DNAJC13: variants seen among roughly 807,000 people sequenced by gnomAD.
DNAJC13 encodes the protein dnaJ homolog subfamily C member 13.
Under a neutral mutation model 290.5 loss-of-function variants are expected in DNAJC13, and 75 were observed. That is an observed-to-expected ratio of 0.26 (90% CI 0.21 to 0.31). The LOEUF is 0.31. Ranked by LOEUF, DNAJC13 falls within the 10% of genes least tolerant of loss-of-function variation. The pLI is 1.00. For synonymous variants in DNAJC13, 862 were observed against 892.0 expected (o/e 0.97, Z 0.60); for missense variants, 2,260 against 2,674.5 (o/e 0.85, Z 3.42).
At chr3:132,504,327 T>A (rs1010556310) in intron 41 of DNAJC13, among the ~76,000 whole-genome samples, 29 of 131,766 alleles carry the variant, frequency 2.2e-4, no homozygotes, top group South Asian at 4.9e-4. Flanking sequence ...TTTTTTTTTT[T>A]AATTTTGTTT....
At chr3:132,532,503 C>G in intron 55 of DNAJC13, among the ~76,000 whole-genome samples, 1 of 152,028 alleles carries the variant, frequency 6.6e-6, no homozygotes, top group East Asian at 1.9e-4. Flanking sequence ...ATCCCCTGTC[C>G]CTCATATCTA....
intron 41 of DNAJC13, among the ~76,000 whole-genome samples, chr3:132,504,931 T>G (rs1935537348): frequency 6.6e-6 from 1 of 152,220 alleles, no homozygotes; most frequent in African/African-American, 2.4e-5. Flanking sequence ...CATAAAGGTA[T>G]TATGTTGTGA....
chr3:132,463,759 C>T lies in DNAJC13; in HGVS notation c.1834C>T (p.Arg612Ter), dbSNP rs751081895. ...ELALSEGALP[R>*]HLHTAMFTIS... is the part of the protein sequence containing the mutation. ...TGCCCTAAGTGAAGGTGCCTTACCT[C>T]GACACTTGCATACTGCGATGTTTAC... is the stretch of plus-strand genomic sequence containing the variant. The change falls in exon 17 of 56, where the codon CGA (arginine) becomes TGA (stop). Residue 612 changes from arginine to a stop codon, truncating the protein, a stop_gained. Coordinates refer to ENST00000260818, the MANE Select transcript of DNAJC13 (RefSeq NM_015268.4). LOFTEE classifies it high-confidence loss of function. 6 of 1,613,364 alleles carry T rather than the reference C, an allele frequency of 3.7e-6. No homozygotes were observed. The highest frequency in any genetic ancestry group is 2.5e-6 in the Non-Finnish European group (3 of 1,179,458).
rs566204022 is a variant in DNAJC13 at position 132,520,592 on chromosome 3, T to C, written c.5674-2236T>C. Among the ~76,000 whole-genome samples the C allele has an allele frequency of 6.6e-5, 10 of 152,354 alleles. No homozygotes were observed. In the South Asian group the frequency reaches 2.1e-3, roughly 32 times the overall value. On this transcript the variant is annotated intron_variant, in intron 48 of 55. Transcript: ENST00000260818. ...TAAACAAGCATTCTCAGAAATCCGA[T>C]AGGAAGAGACTTTTGATTTTGTACA... is the stretch of plus-strand genomic sequence containing the variant.
Position 132,474,954 on chromosome 3 carries a change from T to G in DNAJC13, c.2314T>G (p.Ser772Ala). Reference protein sequence around the residue: ...YYRFGQDHARSNLIWNFKTRE... With the variant: ...YYRFGQDHARANLIWNFKTRE... ...TAGGTTTGGTCAAGACCATGCCAGG[T>G]CAAACCTTATTTGGAATTTCAAAAC... The change falls in exon 22 of 56, where the codon TCA (serine) becomes GCA (alanine). Residue 772 changes from serine to alanine, a missense_variant. Transcript: ENST00000260818. 1.2e-6 allele frequency: 2 copies of G among 1,608,620 alleles called. No homozygotes were observed. Among genetic ancestry groups the G allele is most frequent in the Non-Finnish European group, 1.7e-6 (2 of 1,177,320 alleles).
rs986530545 is a variant in DNAJC13 at position 132,446,459 on chromosome 3, T to C, written c.69-16T>C. ...TTTGTTTAAAACTAAATTTAAGCAC[T>C]TGTTTTCCTTTGTAGGTATAAGCGT... On this transcript the variant is annotated splice_polypyrimidine_tract_variant and intron_variant, in intron 2 of 55. Coordinates refer to ENST00000260818, the MANE Select transcript of DNAJC13 (RefSeq NM_015268.4). The C allele has an allele frequency of 3.8e-6, 6 of 1,587,036 alleles. No individual in the cohort carries two copies. Among genetic ancestry groups the C allele is most frequent in the Non-Finnish European group, 5.1e-6 (6 of 1,167,642 alleles).
At position 132,507,323 on chromosome 3, in the gene DNAJC13, G is replaced by A; in HGVS notation, c.5085G>A (p.Val1695=). ...TTGTAGGGGAGATTTTTGTTAGGGT[G>A]TATAATGAAGTTCCTACTTTCCAAC... ...ELIVGEIFVR[V]YNEVPTFQLE... Residue 1695 remains valine, a synonymous_variant, in exon 43 of 56, where the codon GTG becomes GTA. Transcript: ENST00000260818. 6.2e-7 allele frequency: 1 copy of A among 1,609,690 alleles called. No homozygotes were observed. The highest frequency in any genetic ancestry group is 8.5e-7 in the Non-Finnish European group (1 of 1,176,154).
chr3:132,456,159 C>A, intron 9 of DNAJC13, 76 bp from the exon 10 acceptor site: 3 of 1,358,706 alleles, frequency 2.2e-6, no homozygotes, highest in Non-Finnish European at 3.1e-6. Flanking sequence ...TGCTAAAGGG[C>A]CTATGCTTCA....
At chr3:132,430,080 G>A (rs1939201891) in intron 1 of DNAJC13, among the ~76,000 whole-genome samples, 1 of 152,040 alleles carries the variant, frequency 6.6e-6, no homozygotes, top group African/African-American at 2.4e-5. Flanking sequence ...TATTCTAATA[G>A]GCCAGGTCAT....
chr3:132,463,332 G>A (rs575596286), intron 16 of DNAJC13, among the ~76,000 whole-genome samples: 11 of 152,232 alleles, frequency 7.2e-5, no homozygotes, highest in African/African-American at 2.6e-4. Context: ...TTAGCTAATG[G>A]GTTCTTTGCT....
At chr3:132,454,245 G>A in intron 9 of DNAJC13, 88 bp downstream of exon 9, 8 of 793,240 alleles carry the variant, frequency 1.0e-5, no homozygotes, top group South Asian at 3.7e-5. Flanking sequence ...ATGTAGTCTA[G>A]AAATTTAAAA....
chr3:132,529,142 A>G (rs1217516723), intron 54 of DNAJC13, among the ~76,000 whole-genome samples: 1 of 152,054 alleles, frequency 6.6e-6, no homozygotes, highest in Non-Finnish European at 1.5e-5. Context: ...GGCACCCACC[A>G]ATCTGTTTTC....
chr3:132,530,252 C>G (rs1428941210), intron 54 of DNAJC13, among the ~76,000 whole-genome samples: 1 of 152,188 alleles, frequency 6.6e-6, no homozygotes, highest in Non-Finnish European at 1.5e-5. Flanking sequence ...GTAAGCACTT[C>G]AGAGACAGTC....
chr3:132,504,526 A>G (rs1935527126), intron 41 of DNAJC13, among the ~76,000 whole-genome samples: 1 of 152,160 alleles, frequency 6.6e-6, no homozygotes, highest in South Asian at 2.1e-4. Flanking sequence ...TAGCATTTCA[A>G]AATTAAATGT....
intron 41 of DNAJC13, 136 bp downstream of exon 41, chr3:132,503,517 T>A (rs1167593326): frequency 2.8e-6 from 3 of 1,066,678 alleles, no homozygotes; most frequent in South Asian, 3.4e-5. Flanking sequence ...AGCAAGAAAT[T>A]CACTTTATAA....
chr3:132,526,366 CCTTGA>C, intron 53 of DNAJC13, 85 bp downstream of exon 53: 1 of 1,544,862 alleles, frequency 6.5e-7, no homozygotes, highest in Non-Finnish European at 8.8e-7. Flanking sequence ...GATTTGGTTT[CCTTGA>C]CTTAAGGTTG....
At chr3:132,453,250 A>G in intron 6 of DNAJC13, 48 bp from the exon 7 acceptor site, 2 of 1,557,828 alleles carry the variant, frequency 1.3e-6, no homozygotes, top group South Asian at 1.2e-5. Context: ...CTACAGACAC[A>G]TTTCAGTTGT....
At chr3:132,462,014 T>C (rs1031455869) in intron 15 of DNAJC13, among the ~76,000 whole-genome samples, 10 of 152,126 alleles carry the variant, frequency 6.6e-5, no homozygotes, top group Non-Finnish European at 1.5e-4. Context: ...AGTGAAAAAC[T>C]CATTTTTCTG....
chr3:132,463,097 G>C (rs1051601662), intron 16 of DNAJC13, among the ~76,000 whole-genome samples: 1 of 152,140 alleles, frequency 6.6e-6, no homozygotes, highest in African/African-American at 2.4e-5. Flanking sequence ...AATGGCTTTT[G>C]AATTCTTGTA....
Sources: allele counts gnomAD v4.1 joint callset (sites outside exome capture counted in the v4.1 genomes callset), GRCh38; gene constraint gnomAD v4.1.1; transcripts MANE v1.5; gene names NCBI Gene and HGNC (gene_info 2026-07-23, HGNC 2026-07-21).